PARD3: variants seen among roughly 807,000 people sequenced by gnomAD.
PARD3 encodes the protein partitioning defective 3 homolog.
Under a neutral mutation model 155.4 loss-of-function variants are expected in PARD3, and 75 were observed. That is an observed-to-expected ratio of 0.48 (90% CI 0.40 to 0.58). The LOEUF (loss-of-function observed/expected upper bound fraction) is 0.58, where lower values mean the gene tolerates loss of function less well. Ranked by LOEUF, PARD3 falls within the 20% of genes least tolerant of loss-of-function variation. The pLI, the probability that PARD3 is intolerant of heterozygous loss-of-function variation, is 0.00. For missense variants in PARD3, 1,642 were observed against 1,721.7 expected (o/e 0.95, Z 0.82); for synonymous variants, 576 against 610.5 (o/e 0.94, Z 0.83).
chr10:34,390,321 CTGAT>C (rs1307413198), intron 7 of PARD3, among the ~76,000 whole-genome samples: 5 of 152,116 alleles, frequency 3.3e-5, no homozygotes, highest in Admixed American at 6.5e-5. Context: ...ATCACTTTCT[CTGAT>C]TGGGTAGACT....
intron 1 of PARD3, among the ~76,000 whole-genome samples, chr10:34,720,233 A>T (rs2094582485): frequency 6.6e-6 from 1 of 152,184 alleles, no homozygotes; most frequent in East Asian, 1.9e-4. Flanking sequence ...CAGGCGTTCA[A>T]GACTAGCCTG....
chr10:34,382,661 G>C lies in PARD3; in HGVS notation c.1278C>G (p.His426Gln). The C allele has an allele frequency of 6.2e-7, 1 of 1,614,142 alleles. No individual in the cohort carries two copies. The highest frequency in any genetic ancestry group is 8.5e-7 in the Non-Finnish European group (1 of 1,180,032). ...GAGCGGATGGTGGTTTTCCCGAGGG[G>C]TGTGCGCTATGAGGTAGTCTTGAGT... ...DSHSRLPHSAHPSGKPPSAPA... is the reference protein window; with the variant it reads ...DSHSRLPHSAQPSGKPPSAPA... The change falls in exon 9 of 25, where the codon CAC becomes CAG. Residue 426 changes from histidine (H) to glutamine (Q), a missense_variant. This residue lies in a region of PARD3 where 1,529 missense variants were observed against 1,587.3 expected (regional missense o/e 0.96). Transcript: ENST00000374788.
chr10:34,723,247 G>A (rs955182450), intron 1 of PARD3, among the ~76,000 whole-genome samples: 4 of 152,120 alleles, frequency 2.6e-5, no homozygotes, highest in African/African-American at 9.7e-5. Context: ...GGGAGGCTGC[G>A]GCAGGAGAAC....
At chr10:34,646,008 T>C (rs1412656422) in intron 2 of PARD3, among the ~76,000 whole-genome samples, 2 of 152,220 alleles carry the variant, frequency 1.3e-5, no homozygotes, top group Admixed American at 1.3e-4. Flanking sequence ...GAGTATATGT[T>C]GTAGGAACTA....
intron 1 of PARD3, among the ~76,000 whole-genome samples, chr10:34,789,322 G>A (rs781223604): frequency 2.6e-5 from 4 of 152,168 alleles, no homozygotes; most frequent in Admixed American, 6.5e-5. Context: ...AAATTTTTGC[G>A]AGACATGGGA....
At chr10:34,741,168 A>C (rs2095004916) in intron 1 of PARD3, among the ~76,000 whole-genome samples, 1 of 110,538 alleles carries the variant, frequency 9.0e-6, no homozygotes, top group South Asian at 3.5e-4. Flanking sequence ...TGTTTTCGTA[A>C]ACCAAATTTT....
intron 2 of PARD3, among the ~76,000 whole-genome samples, chr10:34,557,362 A>G (rs1207582809): frequency 6.6e-6 from 1 of 152,078 alleles, no homozygotes; most frequent in Non-Finnish European, 1.5e-5. Flanking sequence ...AGAAAATACA[A>G]AAGAGCCAGG....
intron 7 of PARD3, among the ~76,000 whole-genome samples, chr10:34,392,053 A>G (rs1050762740): frequency 5.9e-5 from 9 of 152,174 alleles, no homozygotes; most frequent in Non-Finnish European, 1.0e-4. Flanking sequence ...GCTACTAGGG[A>G]GGCTGAGGTG....
intron 2 of PARD3, among the ~76,000 whole-genome samples, chr10:34,653,202 C>T (rs961776295): frequency 4.6e-5 from 7 of 152,074 alleles, no homozygotes; most frequent in Non-Finnish European, 8.8e-5. Context: ...AAGCAAATTA[C>T]GTTCGAACAT....
chr10:34,784,373 A>G (rs188983702), intron 1 of PARD3, among the ~76,000 whole-genome samples: 200 of 152,318 alleles, frequency 1.3e-3, no homozygotes, highest in Non-Finnish European at 1.4e-3. Flanking sequence ...ACATTCCCCA[A>G]TGAAGATGTG....
chr10:34,674,478 ATTTTTTT>A (rs11402018), intron 2 of PARD3, among the ~76,000 whole-genome samples: 1 of 79,528 alleles, frequency 1.3e-5, no homozygotes, highest in Non-Finnish European at 2.3e-5. Context: ...CACGCTCTTG[ATTTTTTT>A]TTTTTTTTTT....
At chr10:34,142,368 C>A (rs1446417030) in intron 22 of PARD3, among the ~76,000 whole-genome samples, 2 of 151,628 alleles carry the variant, frequency 1.3e-5, no homozygotes, top group Non-Finnish European at 2.9e-5. Context: ...ATCGCAAGAC[C>A]CCATCTCTAA....
intron 22 of PARD3, among the ~76,000 whole-genome samples, chr10:34,179,539 G>A (rs1950180724): frequency 6.6e-6 from 1 of 152,164 alleles, no homozygotes; most frequent in Non-Finnish European, 1.5e-5. Context: ...GAAAATCGCT[G>A]TAACAATCCA....
Position 34,789,030 on chromosome 10 carries a change from A to G in PARD3, c.120+25846T>C, listed in dbSNP as rs78803023. On this transcript the variant is annotated intron_variant, in intron 1 of 24. Transcript: ENST00000374788. ...AATAATATACACTAAGATTATTACAATATTTTAAATGATGAAAAATGAGAA... is the reference window on the plus strand; with the variant it reads ...AATAATATACACTAAGATTATTACAGTATTTTAAATGATGAAAAATGAGAA... 4.2e-3 allele frequency among the ~76,000 whole-genome samples: 647 copies of G among 152,386 alleles called. 7 individuals carry two copies. The highest frequency in any genetic ancestry group is 0.014 in the African/African-American group (584 of 41,592).
chr10:34,131,967 C>T (rs1462033819), intron 22 of PARD3, among the ~76,000 whole-genome samples: 1 of 152,076 alleles, frequency 6.6e-6, no homozygotes, highest in Non-Finnish European at 1.5e-5. Context: ...GACTAACGTA[C>T]TTAATGTTTC....
chr10:34,515,353 T>C (rs1322100488), intron 3 of PARD3, among the ~76,000 whole-genome samples: 1 of 152,274 alleles, frequency 6.6e-6, no homozygotes, highest in Non-Finnish European at 1.5e-5. Context: ...CTAAATCTCT[T>C]GCATATAAAA....
chr10:34,622,259 G>A (rs969097821), intron 2 of PARD3, among the ~76,000 whole-genome samples: 4 of 152,096 alleles, frequency 2.6e-5, no homozygotes, highest in East Asian at 1.9e-4. Flanking sequence ...CTGAAGAAAC[G>A]AATTTGTTCA....
chr10:34,147,276 T>C (rs144001172), intron 22 of PARD3, among the ~76,000 whole-genome samples: 211 of 152,296 alleles, frequency 1.4e-3, no homozygotes, highest in Admixed American at 2.2e-3. Flanking sequence ...TGGAAACATA[T>C]TGGCTAACTG....
chr10:34,256,748 AT>A (rs1459561968), intron 22 of PARD3, among the ~76,000 whole-genome samples: 1 of 152,166 alleles, frequency 6.6e-6, no homozygotes, highest in African/African-American at 2.4e-5. Flanking sequence ...CAGTTTAAAA[AT>A]ATCTGTCAGT....
Sources: allele counts gnomAD v4.1 joint callset (sites outside exome capture counted in the v4.1 genomes callset), GRCh38; gene constraint gnomAD v4.1.1; regional missense constraint gnomAD v4.1.1; transcripts MANE v1.5; gene names NCBI Gene and HGNC (gene_info 2026-07-23, HGNC 2026-07-21).